Variants in TNR observed in about 807,000 individuals in gnomAD.
The protein encoded by TNR is tenascin-R.
Under a neutral mutation model 150.4 loss-of-function variants are expected in TNR, and 45 were observed. The ratio of observed to expected loss-of-function variants is 0.30; its 90% confidence interval spans 0.24 to 0.38. The LOEUF (loss-of-function observed/expected upper bound fraction) is 0.38, where lower values mean the gene tolerates loss of function less well. Ranked by LOEUF, TNR falls within the 10% of genes least tolerant of loss-of-function variation. The probability of loss-of-function intolerance (pLI) is 1.00; values close to 1 mark genes in which losing one functional copy is unlikely to be tolerated. For synonymous variants in TNR, 687 were observed against 678.4 expected, an observed-to-expected ratio of 1.01 and a Z score of -0.20; for missense variants, 1,544 against 1,759.1, an observed-to-expected ratio of 0.88 and a Z score of 2.19.
intron 2 of TNR, among the ~76,000 whole-genome samples, chr1:175,462,620 T>C (rs1416178834): frequency 6.6e-6 from 1 of 152,226 alleles, no homozygotes; most frequent in African/African-American, 2.4e-5. Context: ...GATTCTGCAG[T>C]AAAACAAGCA....
intron 20 of TNR, among the ~76,000 whole-genome samples, chr1:175,333,920 G>T (rs911903436): frequency 6.6e-6 from 1 of 152,216 alleles, no homozygotes; most frequent in Non-Finnish European, 1.5e-5. Flanking sequence ...AGTGCTCCTG[G>T]CAGAGGAAGC....
At chr1:175,339,340 T>A (rs1472575403) in intron 18 of TNR, among the ~76,000 whole-genome samples, 5 of 152,222 alleles carry the variant, frequency 3.3e-5, no homozygotes, top group Non-Finnish European at 7.3e-5. Context: ...ATCTCAAAAA[T>A]TTCTATGTTC....
At chr1:175,706,944 C>A (rs751516252) in intron 1 of TNR, among the ~76,000 whole-genome samples, 154 of 152,160 alleles carry the variant, frequency 1.0e-3, no homozygotes, top group Non-Finnish European at 9.1e-4. Flanking sequence ...ATTCTTACCC[C>A]CTTGCACAGG....
intron 1 of TNR, among the ~76,000 whole-genome samples, chr1:175,621,239 T>C (rs990037916): frequency 2.6e-5 from 4 of 152,290 alleles, no homozygotes; most frequent in Non-Finnish European, 5.9e-5. Context: ...TGTCTACATC[T>C]ATCTGCGCTC....
At chr1:175,393,949 G>T in intron 5 of TNR, 54 bp from the exon 6 acceptor site, 1 of 1,366,710 alleles carries the variant, frequency 7.3e-7, no homozygotes, top group Non-Finnish European at 1.0e-6. Flanking sequence ...GGGACAGACA[G>T]CATTGCCTGG....
chr1:175,734,277 T>C (rs1401915179), intron 1 of TNR, among the ~76,000 whole-genome samples: 1 of 152,240 alleles, frequency 6.6e-6, no homozygotes, highest in Non-Finnish European at 1.5e-5. Context: ...AGAATCTGTA[T>C]GTGCTAAGGG....
chr1:175,662,234 C>A (rs758233508), intron 1 of TNR, among the ~76,000 whole-genome samples: 4 of 152,188 alleles, frequency 2.6e-5, no homozygotes, highest in Non-Finnish European at 4.4e-5. Context: ...TTCTACATCA[C>A]CCTATCAGCG....
At chr1:175,655,931 G>C (rs1469313536) in intron 1 of TNR, among the ~76,000 whole-genome samples, 3 of 152,164 alleles carry the variant, frequency 2.0e-5, no homozygotes, top group Non-Finnish European at 4.4e-5. Flanking sequence ...GCCTTGTAGG[G>C]TTAGGGTTAC....
intron 1 of TNR, among the ~76,000 whole-genome samples, chr1:175,679,925 G>A (rs1055993479): frequency 2.0e-5 from 3 of 152,164 alleles, no homozygotes; most frequent in Non-Finnish European, 4.4e-5. Context: ...CAAGTCCAGA[G>A]GTCCTCCGAG....
At position 175,437,004 on chromosome 1, in the gene TNR, A is replaced by T. The variant is rs1030658124; in HGVS notation, c.-63-30227T>A. ...GTTAACAAGGATATCCAGGAATTGAACTCAGCTCTGCACCAAGTGGACCTA... is the reference window on the plus strand; with the variant it reads ...GTTAACAAGGATATCCAGGAATTGATCTCAGCTCTGCACCAAGTGGACCTA... On this transcript the variant is annotated intron_variant, in intron 2 of 22. Transcript: ENST00000367674. Among the ~76,000 whole-genome samples the T allele has an allele frequency of 5.3e-5, 8 of 152,338 alleles. 1 individual carries two copies. Among genetic ancestry groups the T allele is most frequent in the African/African-American group, 1.9e-4 (8 of 41,578 alleles).
At chr1:175,487,089 T>C (rs147763169) in intron 2 of TNR, among the ~76,000 whole-genome samples, 186 of 152,386 alleles carry the variant, frequency 1.2e-3, no homozygotes, top group African/African-American at 4.3e-3. Flanking sequence ...TTTACTCTGA[T>C]GATAGTTTCT....
chr1:175,599,587 G>C lies in TNR; in HGVS notation c.-164-71218C>G, dbSNP rs548185602. 1.3e-5 allele frequency among the ~76,000 whole-genome samples: 2 copies of C among 152,210 alleles called. No individual in the cohort carries two copies. The highest frequency in any genetic ancestry group is 2.4e-5 in the African/African-American group (1 of 41,458). ...GTCCCGCATCAGCGGTAATGGGGCC[G>C]GCCCACCCGGAGGCAGCCCGGAGCA... On this transcript the variant is annotated intron_variant, in intron 1 of 22. Transcript: ENST00000367674. The surrounding 1 kb of genome is among the most constrained non-coding windows in gnomAD (Gnocchi z 4.7).
Position 175,355,633 on chromosome 1 carries a change from A to T in TNR, c.3119T>A (p.Leu1040His). 6.2e-7 allele frequency: 1 copy of T among 1,613,854 alleles called. No homozygotes were observed. Among genetic ancestry groups the T allele is most frequent in the Non-Finnish European group, 8.5e-7 (1 of 1,179,850 alleles). ...SGTISTNFSTLLDPPANLTAS... is the reference protein window; with the variant it reads ...SGTISTNFSTHLDPPANLTAS... ...TGTCAGGTTTGCCGGAGGGTCCAGG[A>T]CTGCAAAGAGGAGAAAGTGCCAGGG... Residue 1040 changes from leucine (L) to histidine (H), a missense_variant and splice_region_variant, in exon 17 of 23, where the codon CTC (leucine) becomes CAC (histidine). Around this residue, in one of 2 missense-constraint regions of TNR, gnomAD observed 290 missense variants for 429.7 expected, o/e 0.67. Coordinates refer to ENST00000367674, the MANE Select transcript of TNR (RefSeq NM_003285.3).
chr1:175,472,767 G>T (rs1269488416), intron 2 of TNR, among the ~76,000 whole-genome samples: 1 of 152,188 alleles, frequency 6.6e-6, no homozygotes, highest in East Asian at 1.9e-4. Context: ...AGGGTATGTA[G>T]TCATCTGGGT....
intron 1 of TNR, among the ~76,000 whole-genome samples, chr1:175,566,724 G>A (rs797015505): frequency 6.6e-6 from 1 of 152,226 alleles, no homozygotes; most frequent in African/African-American, 2.4e-5. Context: ...AATGAGGCAT[G>A]CTCACGTTCT....
intron 5 of TNR, among the ~76,000 whole-genome samples, chr1:175,394,867 A>G (rs1206611888): frequency 6.6e-6 from 1 of 152,156 alleles, no homozygotes; most frequent in Non-Finnish European, 1.5e-5. Flanking sequence ...GGCATAATAA[A>G]TGCCACAGGA....
intron 18 of TNR, among the ~76,000 whole-genome samples, chr1:175,353,288 A>G (rs1449816098): frequency 2.6e-5 from 4 of 152,208 alleles, no homozygotes; most frequent in African/African-American, 7.2e-5. Flanking sequence ...CCTCATTTGT[A>G]AAAAATAGAG....
rs1229088956 is a variant in TNR, at chr1:175,599,724, C to G, written c.-164-71355G>C. 6.6e-6 allele frequency among the ~76,000 whole-genome samples: 1 copy of G among 152,238 alleles called. No homozygotes were observed. The highest frequency in any genetic ancestry group is 2.4e-5 in the African/African-American group (1 of 41,460). ...GGTGGAGCGGGGTCTGCAAACAGCC[C>G]AGGCTTTTCGTGAGACCCATTGGCG... On this transcript the variant is annotated intron_variant, in intron 1 of 22. Coordinates refer to ENST00000367674, the MANE Select transcript of TNR (RefSeq NM_003285.3). The surrounding 1 kb of genome is among the most constrained non-coding windows in gnomAD (Gnocchi z 4.7).
chr1:175,513,401 T>C (rs1391559469), intron 2 of TNR, among the ~76,000 whole-genome samples: 2 of 152,166 alleles, frequency 1.3e-5, no homozygotes, highest in Non-Finnish European at 2.9e-5. Context: ...TTCTTCTTCT[T>C]CCTTTTTGGA....
Sources: allele counts gnomAD v4.1 joint callset (sites outside exome capture counted in the v4.1 genomes callset), GRCh38; gene constraint gnomAD v4.1.1; regional missense constraint gnomAD v4.1.1; non-coding constraint Gnocchi (gnomAD v3.1); transcripts MANE v1.5; gene names NCBI Gene and HGNC (gene_info 2026-07-23, HGNC 2026-07-21).